The following ZNF474 variants were observed in gnomAD, a reference collection of about 807,000 sequenced individuals.
The protein encoded by ZNF474 is zinc finger protein 474.
For missense variants in ZNF474, 511 were observed against 433.8 expected, an observed-to-expected ratio of 1.18 and a Z score of -1.58; for synonymous variants, 192 against 162.2, an observed-to-expected ratio of 1.18 and a Z score of -1.39.
At chr5:122,142,934 A>G (rs60303889) in intron 1 of ZNF474, among the ~76,000 whole-genome samples, 10,774 of 152,116 alleles carry the variant, frequency 0.071, 1,225 homozygotes, top group African/African-American at 0.24. Context: ...CACAGCAGAG[A>G]CCCAGCCTGC....
At chr5:122,132,847 T>C (rs1755612831) in intron 1 of ZNF474, among the ~76,000 whole-genome samples, 1 of 152,200 alleles carries the variant, frequency 6.6e-6, no homozygotes, top group Non-Finnish European at 1.5e-5. Context: ...CATGGATCTG[T>C]TTGTCTATCC....
Position 122,151,866 on chromosome 5 carries a change from G to A in ZNF474, c.-125G>A. 8.3e-7 allele frequency: 1 copy of A among 1,203,464 alleles called. No homozygotes were observed. Among genetic ancestry groups the A allele is most frequent in the African/African-American group, 1.5e-5 (1 of 65,740 alleles). 74.5% of individuals were successfully genotyped at this position (1,203,464 alleles called of 1,614,324 possible). A position where few individuals can be genotyped will look rare whatever the true frequency, so the allele number is the denominator to read the frequency against. ...GAAGCTCTGAGTCACGGTCTGTGAG[G>A]CTAAGGTACTGGCAACGGTGTGAAC... On this transcript the variant is annotated 5_prime_UTR_variant, in exon 2 of 2. Coordinates refer to ENST00000296600, the MANE Select transcript of ZNF474 (RefSeq NM_207317.3).
In ZNF474 at chr5:122,152,124, C is replaced by A; in HGVS notation, c.134C>A (p.Thr45Lys). ...SDSYSSLSPE[T>K]ESVNPGENIK... is the part of the protein sequence containing the mutation. ...TCCTATTCTAGCCTTTCCCCAGAAA[C>A]AGAGAGTGTTAATCCTGGTGAAAAT... Residue 45 changes from threonine to lysine, a missense_variant, in exon 2 of 2, where the codon ACA becomes AAA. Physicochemically the swap from Thr to Lys is moderately conservative, Grantham distance 78 (BLOSUM62 -1). Coordinates refer to ENST00000296600, the MANE Select transcript of ZNF474 (RefSeq NM_207317.3). The A allele has an allele frequency of 1.2e-6, 2 of 1,614,186 alleles. No individual in the cohort carries two copies. The highest frequency in any genetic ancestry group is 1.3e-5 in the African/African-American group (1 of 75,042).
intron 1 of ZNF474, among the ~76,000 whole-genome samples, chr5:122,134,718 G>T (rs537147593): frequency 3.3e-4 from 50 of 152,250 alleles, no homozygotes; most frequent in African/African-American, 1.1e-3. Flanking sequence ...ATACTGAAAG[G>T]CCTGTGGCCT....
chr5:122,130,665 T>C (rs1399247509), intron 1 of ZNF474, among the ~76,000 whole-genome samples: 2 of 152,198 alleles, frequency 1.3e-5, no homozygotes, highest in Non-Finnish European at 2.9e-5. Context: ...ATTTTTCTCC[T>C]AATTTTATTT....
rs1442259718 is a variant in ZNF474 at position 122,152,533 on chromosome 5, T to C, written c.543T>C (p.Leu181=). Residue 181 remains leucine (L), a synonymous_variant, in exon 2 of 2, where the codon CTT becomes CTC. Transcript: ENST00000296600. ...CGRTFLPDHL[L]VHHRSCKPKG... The stretch of plus-strand genomic sequence containing the variant: ...GCACATTCTTGCCAGATCATCTTCT[T>C]GTTCATCACAGAAGCTGCAAGCCAA... The C allele has an allele frequency of 6.2e-7, 1 of 1,614,018 alleles. No homozygotes were observed. The highest frequency in any genetic ancestry group is 8.5e-7 in the Non-Finnish European group (1 of 1,180,032).
At chr5:122,147,381 A>AT (rs1756019617) in intron 1 of ZNF474, among the ~76,000 whole-genome samples, 1 of 151,914 alleles carries the variant, frequency 6.6e-6, no homozygotes. Flanking sequence ...AAAGGGCTAG[A>AT]TTTTTTTATA....
chr5:122,142,249 A>T (rs892617364), intron 1 of ZNF474, among the ~76,000 whole-genome samples: 7 of 152,230 alleles, frequency 4.6e-5, no homozygotes, highest in Non-Finnish European at 8.8e-5. Context: ...ATGGGAAAAA[A>T]GACCCTGTTG....
chr5:122,149,203 G>A (rs907534844), intron 1 of ZNF474, among the ~76,000 whole-genome samples: 28 of 152,188 alleles, frequency 1.8e-4, no homozygotes, highest in African/African-American at 6.0e-4. Context: ...TTACTACCTG[G>A]GAGACAGATT....
rs1405772593 is a variant in ZNF474, at chr5:122,152,109, G to T, written c.119G>T (p.Ser40Ile). 1.2e-6 allele frequency: 2 copies of T among 1,614,144 alleles called. No individual in the cohort carries two copies. Among genetic ancestry groups the T allele is most frequent in the Non-Finnish European group, 1.7e-6 (2 of 1,180,024 alleles). Reference protein sequence around the residue: ...AGLLSSDSYSSLSPETESVNP... With the variant: ...AGLLSSDSYSILSPETESVNP... Reference sequence around the variant, plus strand: ...CTTCTCTCTAGTGACTCCTATTCTAGCCTTTCCCCAGAAACAGAGAGTGTT... The same window carrying T: ...CTTCTCTCTAGTGACTCCTATTCTATCCTTTCCCCAGAAACAGAGAGTGTT... The change falls in exon 2 of 2, where the codon AGC becomes ATC. Residue 40 changes from serine to isoleucine, a missense_variant. Ser to Ile is a moderately radical substitution (Grantham distance 142, BLOSUM62 -2). Coordinates refer to ENST00000296600, the MANE Select transcript of ZNF474 (RefSeq NM_207317.3).
chr5:122,131,236 A>G (rs1266895455), intron 1 of ZNF474, among the ~76,000 whole-genome samples: 23 of 152,176 alleles, frequency 1.5e-4, no homozygotes, highest in Admixed American at 1.5e-3. Flanking sequence ...ATTATGGATT[A>G]TGGAAAACAA....
At chr5:122,144,575 G>T (rs1458379662) in intron 1 of ZNF474, among the ~76,000 whole-genome samples, 1 of 152,148 alleles carries the variant, frequency 6.6e-6, no homozygotes. Flanking sequence ...AAGCAGTTTT[G>T]ACTTTCTACA....
intron 1 of ZNF474, among the ~76,000 whole-genome samples, chr5:122,131,321 A>G (rs1245359952): frequency 1.3e-5 from 2 of 152,022 alleles, no homozygotes; most frequent in African/African-American, 4.8e-5. Flanking sequence ...TATATATCCA[A>G]AGAAAATGAA....
chr5:122,148,613 C>T (rs1756055979), intron 1 of ZNF474, among the ~76,000 whole-genome samples: 1 of 152,118 alleles, frequency 6.6e-6, no homozygotes, highest in Admixed American at 6.5e-5. Context: ...GTCCCTACCT[C>T]TGCTGGTTAT....
intron 1 of ZNF474, among the ~76,000 whole-genome samples, chr5:122,138,710 G>A (rs1368161940): frequency 6.6e-6 from 1 of 152,090 alleles, no homozygotes; most frequent in African/African-American, 2.4e-5. Flanking sequence ...TTATAACATT[G>A]ATTATCAATA....
At chr5:122,138,497 A>C (rs1226821916) in intron 1 of ZNF474, among the ~76,000 whole-genome samples, 1 of 152,244 alleles carries the variant, frequency 6.6e-6, no homozygotes, top group African/African-American at 2.4e-5. Context: ...GAAATGAACA[A>C]AGAACAAAAC....
At chr5:122,140,034 C>G (rs1334430916) in intron 1 of ZNF474, among the ~76,000 whole-genome samples, 1 of 152,170 alleles carries the variant, frequency 6.6e-6, no homozygotes. Context: ...AAAAGTTTGC[C>G]TAGAAGCTGG....
At chr5:122,143,647 GA>G (rs1332515988) in intron 1 of ZNF474, among the ~76,000 whole-genome samples, 2 of 152,118 alleles carry the variant, frequency 1.3e-5, no homozygotes, top group African/African-American at 4.8e-5. Flanking sequence ...TTGGCAGAAA[GA>G]AAAAGTGTAC....
intron 1 of ZNF474, among the ~76,000 whole-genome samples, chr5:122,136,501 G>C (rs1280617245): frequency 1.3e-5 from 2 of 152,126 alleles, no homozygotes; most frequent in East Asian, 3.9e-4. Context: ...CCTTTGGTGT[G>C]CCTGTCTAGG....
Sources: allele counts gnomAD v4.1 joint callset (sites outside exome capture counted in the v4.1 genomes callset), GRCh38; gene constraint gnomAD v4.1.1; transcripts MANE v1.5; gene names NCBI Gene and HGNC (gene_info 2026-07-23, HGNC 2026-07-21).